PIKFYVE: variants seen among roughly 807,000 people sequenced by gnomAD.
PIKFYVE encodes phosphoinositide kinase, FYVE-type zinc finger containing, also known as 1-phosphatidylinositol 3-phosphate 5-kinase.
In PIKFYVE, 122 loss-of-function variants were observed where a neutral mutation model predicts 257.9. The observed-to-expected ratio is 0.47, with a 90% confidence interval of 0.41 to 0.55. The LOEUF is 0.55. Among genes scored for constraint, PIKFYVE ranks in the 20% least tolerant of loss-of-function variants. PIKFYVE has a pLI of 0.00. For missense variants in PIKFYVE, 2,160 were observed against 2,536.6 expected (o/e 0.85, Z 3.19); for synonymous variants, 892 against 868.9 (o/e 1.03, Z -0.47).
Position 208,358,369 on chromosome 2 carries a change from C to A in PIKFYVE, c.*3064C>A, listed in dbSNP as rs1463670813. On this transcript the variant is annotated 3_prime_UTR_variant, in exon 42 of 42. Coordinates refer to ENST00000264380, the MANE Select transcript of PIKFYVE (RefSeq NM_015040.4). ...TTAATATACTGACTTATGCAGTATT[C>A]AAACCATCTAGTGCAATGTTTTTGT... 6.7e-6 allele frequency: 1 copy of A among 148,994 alleles called. No individual in the cohort carries two copies. Among genetic ancestry groups the A allele is most frequent in the Non-Finnish European group, 1.5e-5 (1 of 67,508 alleles). The allele number at this position is 148,994 out of a possible 1,614,324, so 9.2% of individuals were successfully genotyped here.
At chr2:208,281,285 CAGT>C (rs1559398202) in intron 5 of PIKFYVE, among the ~76,000 whole-genome samples, 1 of 152,156 alleles carries the variant, frequency 6.6e-6, no homozygotes, top group African/African-American at 2.4e-5. Flanking sequence ...ATGTTTCAGC[CAGT>C]CATCTAAACA....
At position 208,335,792 on chromosome 2, in the gene PIKFYVE, G is replaced by A; in HGVS notation, c.4257-1G>A. On this transcript the variant is annotated splice_acceptor_variant, in intron 25 of 41. Coordinates refer to ENST00000264380, the MANE Select transcript of PIKFYVE (RefSeq NM_015040.4). LOFTEE classifies it high-confidence loss of function. ...GTGTTTAATGCTCTCGCTATTGTTA[G>A]AGTTTCACAGGTATATGTTGCCATT... 6.2e-7 allele frequency: 1 copy of A among 1,604,788 alleles called. No individual in the cohort carries two copies. The highest frequency in any genetic ancestry group is 8.5e-7 in the Non-Finnish European group (1 of 1,172,022).
At chr2:208,286,758 G>A (rs753261291) in intron 6 of PIKFYVE, among the ~76,000 whole-genome samples, 101 of 151,332 alleles carry the variant, frequency 6.7e-4, no homozygotes, top group African/African-American at 2.2e-3. Context: ...GGCTTCAAGC[G>A]ATCCTCCCAC....
rs1328278662 is a variant in PIKFYVE, at chr2:208,333,376, A to T, written c.4025A>T (p.Glu1342Val). The part of the protein sequence containing the change: ...SWSMSFAKYL[E>V]LRFYGHQYTR... ...TCTATGTCATTTGCAAAATACCTTG[A>T]ACTTAGGTTTTATGGGCACCAGTAT... Residue 1342 changes from glutamate to valine, a missense_variant, in exon 24 of 42, where the codon GAA (glutamate) becomes GTA (valine). Glu to Val is a moderately radical substitution (Grantham distance 121). This residue lies in a region of PIKFYVE where 699 missense variants were observed against 855.8 expected (regional missense o/e 0.82). Transcript: ENST00000264380. 6.2e-7 allele frequency: 1 copy of T among 1,614,140 alleles called. No homozygotes were observed. The highest frequency in any genetic ancestry group is 1.7e-5 in the Admixed American group (1 of 60,022).
chr2:208,347,721 C>A, intron 34 of PIKFYVE, 138 bp from the exon 35 acceptor site: 1 of 769,830 alleles, frequency 1.3e-6, no homozygotes, highest in Non-Finnish European at 2.2e-6. Context: ...GGACAATGTG[C>A]AAACAAAAGT....
rs1041670069 is a variant in PIKFYVE, at chr2:208,356,754, A to C, written c.*1449A>C. 1 of 152,642 alleles carries C rather than the reference A, an allele frequency of 6.6e-6. No individual in the cohort carries two copies. Among genetic ancestry groups the C allele is most frequent in the African/African-American group, 2.4e-5 (1 of 41,456 alleles). The allele number at this position is 152,642 out of a possible 1,614,324, so 9.5% of individuals were successfully genotyped here. A position where few individuals can be genotyped will look rare whatever the true frequency, so the allele number is the denominator to read the frequency against. On this transcript the variant is annotated 3_prime_UTR_variant, in exon 42 of 42. Coordinates refer to ENST00000264380, the MANE Select transcript of PIKFYVE (RefSeq NM_015040.4). ...AAAAAGTGATCAGAAGTAGTAAACTATCTTTGAGGAAATACTGTAACCCCA... is the reference window on the plus strand; with the variant it reads ...AAAAAGTGATCAGAAGTAGTAAACTCTCTTTGAGGAAATACTGTAACCCCA...
At position 208,302,184 on chromosome 2, in the gene PIKFYVE, G is replaced by T. The variant is rs923901863; in HGVS notation, c.1209-58G>T. The T allele has an allele frequency of 3.6e-6, 5 of 1,408,430 alleles. No homozygotes were observed. In the African/African-American group the frequency reaches 4.2e-5, roughly 12 times the overall value. 87.2% of individuals were successfully genotyped at this position (1,408,430 alleles called of 1,614,324 possible). ...ATATTTTAAGGTTGTGTCTTATCTG[G>T]TACTTAACTATTCTGACTGACTTTT... On this transcript the variant is annotated intron_variant, in intron 9 of 41. Transcript: ENST00000264380.
chr2:208,345,012 G>A (rs1443357658), intron 32 of PIKFYVE, 99 bp from the exon 33 acceptor site: 1 of 827,774 alleles, frequency 1.2e-6, no homozygotes, highest in Non-Finnish European at 2.0e-6. Context: ...AACGTATAAT[G>A]ATTGTGCTTC....
At chr2:208,333,255 A>G (rs1574675694) in intron 23 of PIKFYVE, 60 bp from the exon 24 acceptor site, 3 of 1,544,564 alleles carry the variant, frequency 1.9e-6, no homozygotes, top group Middle Eastern at 1.8e-4. Context: ...AGAAAATGTT[A>G]TTTTTTGAAA....
At chr2:208,269,601 G>A (rs1287867763) in intron 1 of PIKFYVE, 2 of 279,154 alleles carry the variant, frequency 7.2e-6, no homozygotes, top group South Asian at 4.3e-5. Context: ...CCACATGCCG[G>A]GACTTCAGGT....
intron 5 of PIKFYVE, among the ~76,000 whole-genome samples, chr2:208,277,948 T>C (rs995872934): frequency 6.6e-6 from 1 of 152,176 alleles, no homozygotes; most frequent in Non-Finnish European, 1.5e-5. Flanking sequence ...CAAAAAACTA[T>C]AGGAACATTA....
intron 25 of PIKFYVE, among the ~76,000 whole-genome samples, 180 bp downstream of exon 25, chr2:208,335,599 T>C (rs151020670): frequency 1.8e-3 from 267 of 152,292 alleles, no homozygotes; most frequent in African/African-American, 6.1e-3. Flanking sequence ...AGCCAAACTC[T>C]TTTAGACATA....
intron 7 of PIKFYVE, among the ~76,000 whole-genome samples, chr2:208,296,869 C>T (rs1172550255): frequency 6.6e-6 from 1 of 152,076 alleles, no homozygotes; most frequent in Non-Finnish European, 1.5e-5. Flanking sequence ...TCTTGATAGG[C>T]AGTCTCAGTG....
Position 208,283,070 on chromosome 2 carries a change from C to T in PIKFYVE, c.614-2656C>T, listed in dbSNP as rs555628439. On this transcript the variant is annotated intron_variant, in intron 5 of 41. Coordinates refer to ENST00000264380, the MANE Select transcript of PIKFYVE (RefSeq NM_015040.4). The stretch of plus-strand genomic sequence containing the variant: ...GCCACTCACCTCCTGCTGTGCGGCT[C>T]GGTTCCTAACAGGCTACGGACGGGG... 5.9e-5 allele frequency among the ~76,000 whole-genome samples: 9 copies of T among 152,196 alleles called. No individual in the cohort carries two copies. The East Asian group carries it at 9.6e-4, about 16-fold the overall frequency.
At chr2:208,313,829 C>A (rs1242466341) in intron 13 of PIKFYVE, among the ~76,000 whole-genome samples, 1 of 152,156 alleles carries the variant, frequency 6.6e-6, no homozygotes, top group African/African-American at 2.4e-5. Context: ...GTGATCTGCC[C>A]ACCTCGGCCT....
chr2:208,332,469 T>G (rs1362100759), intron 23 of PIKFYVE, among the ~76,000 whole-genome samples: 1 of 152,200 alleles, frequency 6.6e-6, no homozygotes. Context: ...TTTATTAATT[T>G]ATCCCACGGG....
intron 32 of PIKFYVE, 60 bp downstream of exon 32, chr2:208,342,709 A>G (rs1698823913): frequency 7.4e-7 from 1 of 1,353,768 alleles, no homozygotes; most frequent in African/African-American, 1.4e-5. Context: ...ATGTCTATTA[A>G]TCCCTTATTT....
In PIKFYVE at chr2:208,338,540, T is replaced by G; in HGVS notation, c.4644T>G (p.Ile1548Met). ...ISAMDASPRN[I>M]SPGLQNGEKE... ...CGATGGATGCATCTCCACGGAATAT[T>G]TCTCCAGGACTTCAGAATGGAGAAA... is the stretch of plus-strand genomic sequence containing the variant. The change falls in exon 29 of 42, where the codon ATT becomes ATG. Residue 1548 changes from isoleucine (I) to methionine (M), a missense_variant. Coordinates refer to ENST00000264380, the MANE Select transcript of PIKFYVE (RefSeq NM_015040.4). 1.2e-6 allele frequency: 2 copies of G among 1,613,516 alleles called. No individual in the cohort carries two copies.
intron 12 of PIKFYVE, among the ~76,000 whole-genome samples, chr2:208,309,674 T>C (rs1380812277): frequency 6.6e-6 from 1 of 152,202 alleles, no homozygotes; most frequent in Non-Finnish European, 1.5e-5. Flanking sequence ...TTATTTTGCA[T>C]ATGGCTGAAG....
Sources: allele counts gnomAD v4.1 joint callset (sites outside exome capture counted in the v4.1 genomes callset), GRCh38; gene constraint gnomAD v4.1.1; regional missense constraint gnomAD v4.1.1; transcripts MANE v1.5; gene names NCBI Gene and HGNC (gene_info 2026-07-23, HGNC 2026-07-21).